CDH22: variants seen among roughly 807,000 people sequenced by gnomAD.
CDH22 encodes cadherin-22.
CDH22 carries 30 observed loss-of-function variants against 58.4 expected under a neutral mutation model. The ratio of observed to expected loss-of-function variants is 0.51; its 90% CI spans 0.38 to 0.70. The LOEUF (loss-of-function observed/expected upper bound fraction) is 0.70, where lower values mean the gene tolerates loss of function less well. Among genes scored for constraint, CDH22 ranks in the 30% least tolerant of loss-of-function variants. The probability of loss-of-function intolerance (pLI) is 0.00; values close to 1 mark genes in which losing one functional copy is unlikely to be tolerated. For synonymous variants in CDH22, 513 were observed against 558.2 expected, an observed-to-expected ratio of 0.92 and a Z score of 1.14; for missense variants, 1,014 against 1,233.9, an observed-to-expected ratio of 0.82 and a Z score of 2.67.
chr20:46,199,644 G>GTGGGGT, intron 7 of CDH22, 85 bp from the exon 8 acceptor site: 1 of 1,498,610 alleles, frequency 6.7e-7, no homozygotes, highest in Non-Finnish European at 9.0e-7. Flanking sequence ...CACTCCAAGA[G>GTGGGGT]AGGGACCGCC....
At chr20:46,203,340 T>A (rs912610243) in intron 7 of CDH22, among the ~76,000 whole-genome samples, 43 of 32,440 alleles carry the variant, frequency 1.3e-3, no homozygotes, top group African/African-American at 4.6e-3. Context: ...AGGGGTGGGG[T>A]GGGGGCGAAG....
At chr20:46,194,177 C>A (rs879832536) in intron 8 of CDH22, among the ~76,000 whole-genome samples, 19 of 152,206 alleles carry the variant, frequency 1.2e-4, no homozygotes, top group Non-Finnish European at 2.4e-4. Context: ...TCCCCGCCCA[C>A]CCGTGAACTC....
At chr20:46,227,448 TCCCGC>T in intron 4 of CDH22, 55 bp downstream of exon 4, 2 of 1,404,418 alleles carry the variant, frequency 1.4e-6, no homozygotes, top group Non-Finnish European at 9.7e-7. Context: ...GTGGTCCTCG[TCCCGC>T]CCCGCCCCTG....
At chr20:46,202,923 C>T (rs530011861) in intron 7 of CDH22, among the ~76,000 whole-genome samples, 9 of 152,050 alleles carry the variant, frequency 5.9e-5, no homozygotes, top group East Asian at 1.9e-4. Context: ...CAGGGCTGGG[C>T]GAGAGGCCGG....
intron 1 of CDH22, among the ~76,000 whole-genome samples, chr20:46,294,588 T>G (rs907426101): frequency 6.6e-6 from 1 of 152,210 alleles, no homozygotes; most frequent in African/African-American, 2.4e-5. Flanking sequence ...GGGAAATGGC[T>G]GCTATGGCAA....
At chr20:46,224,885 C>T (rs1568664703) in intron 4 of CDH22, among the ~76,000 whole-genome samples, 1 of 152,228 alleles carries the variant, frequency 6.6e-6, no homozygotes, top group African/African-American at 2.4e-5. Flanking sequence ...GTTAAGGAGT[C>T]TGAGTGACTG....
chr20:46,199,097 G>A (rs907076149), intron 8 of CDH22, among the ~76,000 whole-genome samples: 1 of 152,162 alleles, frequency 6.6e-6, no homozygotes, highest in African/African-American at 2.4e-5. Context: ...GGGCTTGCAC[G>A]TAGCAGATGC....
Position 46,251,118 on chromosome 20 carries a change from G to A in CDH22, c.177C>T (p.Arg59=), listed in dbSNP as rs367998027. 81 of 1,606,412 alleles carry A rather than the reference G, an allele frequency of 5.0e-5. No homozygotes were observed. Among genetic ancestry groups the A allele is most frequent in the East Asian group, 1.6e-4 (7 of 43,628 alleles). The change falls in exon 2 of 12, where the codon CGC becomes CGT. Residue 59 remains arginine, a synonymous_variant. Coordinates refer to ENST00000537909, the MANE Select transcript of CDH22 (RefSeq NM_021248.3). This position sits in a 1 kb window ranked among gnomAD's most constrained non-coding sequence, Gnocchi z 6.7. ...ARQDGALGAG[R]VKRGWVWNQF... ...GGTTCCACACCCAGCCGCGTTTGACGCGGCCGGCTCCCAGCGCGCCGTCCT... is the reference window on the plus strand; with the variant it reads ...GGTTCCACACCCAGCCGCGTTTGACACGGCCGGCTCCCAGCGCGCCGTCCT...
intron 7 of CDH22, among the ~76,000 whole-genome samples, chr20:46,204,083 A>C (rs2085980716): frequency 6.6e-6 from 1 of 152,024 alleles, no homozygotes; most frequent in Non-Finnish European, 1.5e-5. Flanking sequence ...TCTGTTCTTC[A>C]GTTTCCTTCT....
chr20:46,197,667 C>T (rs1036774527), intron 8 of CDH22, among the ~76,000 whole-genome samples: 2 of 152,240 alleles, frequency 1.3e-5, no homozygotes, highest in Non-Finnish European at 2.9e-5. Flanking sequence ...TCTCTTCCCC[C>T]AAGTCCAGCC....
At position 46,196,754 on chromosome 20, in the gene CDH22, G is replaced by T. The variant is rs143653620; in HGVS notation, c.1423+2669C>A. Among the ~76,000 whole-genome samples, 549 of 152,254 alleles carry T rather than the reference G, an allele frequency of 3.6e-3. 3 individuals are homozygous for T. Among genetic ancestry groups the T allele is most frequent in the African/African-American group, 0.013 (539 of 41,528 alleles). On this transcript the variant is annotated intron_variant, in intron 8 of 11. Transcript: ENST00000537909. ...GGCAGTAGAATGGACACCCCTTAGG[G>T]GTGAAGATTTCATGAGCTCATCACA...
At chr20:46,178,838 C>G (rs2085763053) in intron 10 of CDH22, among the ~76,000 whole-genome samples, 2 of 152,134 alleles carry the variant, frequency 1.3e-5, no homozygotes, top group African/African-American at 2.4e-5. Context: ...GACAAGGAGT[C>G]TCTGCCTAAG....
chr20:46,266,755 A>G (rs1278405755), intron 1 of CDH22, among the ~76,000 whole-genome samples: 1 of 152,062 alleles, frequency 6.6e-6, no homozygotes, highest in Non-Finnish European at 1.5e-5. Flanking sequence ...CTTCTATACA[A>G]TGGAAGGTCA....
At chr20:46,229,294 C>CCT (rs2086202499) in intron 3 of CDH22, among the ~76,000 whole-genome samples, 1 of 147,652 alleles carries the variant, frequency 6.8e-6, no homozygotes, top group African/African-American at 2.5e-5. Context: ...GAGTGGCCCC[C>CCT]CCCCCCAATT....
chr20:46,252,465 C>G (rs1052088429), intron 1 of CDH22, among the ~76,000 whole-genome samples: 3 of 152,254 alleles, frequency 2.0e-5, no homozygotes, highest in Admixed American at 6.5e-5. Flanking sequence ...CTCTTCCCTT[C>G]TCTCTATCAG....
intron 2 of CDH22, among the ~76,000 whole-genome samples, chr20:46,242,387 C>T (rs928310511): frequency 4.6e-5 from 7 of 152,184 alleles, no homozygotes; most frequent in Non-Finnish European, 7.3e-5. Context: ...GCTCTGACAT[C>T]GCCTCCCTGT....
rs113780498 is a variant in CDH22 at position 46,199,337 on chromosome 20, C to T, written c.1423+86G>A. 279 of 1,490,756 alleles carry T rather than the reference C, an allele frequency of 1.9e-4. No individual in the cohort carries two copies. The African/African-American group carries it at 3.0e-3, about 16-fold the overall frequency. 92.3% of individuals were successfully genotyped at this position (1,490,756 alleles called of 1,614,324 possible). A position where few individuals can be genotyped will look rare whatever the true frequency, so the allele number is the denominator to read the frequency against. On this transcript the variant is annotated intron_variant, in intron 8 of 11. Transcript: ENST00000537909. ...CTTTGACTGACAGGGCTGCCTTGGC[C>T]CTGCCCCCAGCCCTTGGCCCCTCCC...
chr20:46,235,907 T>A (rs2086248542), intron 3 of CDH22, among the ~76,000 whole-genome samples: 1 of 152,116 alleles, frequency 6.6e-6, no homozygotes, highest in African/African-American at 2.4e-5. Flanking sequence ...AGATTAAACC[T>A]CTGCTCTCCA....
intron 3 of CDH22, among the ~76,000 whole-genome samples, chr20:46,234,393 T>C (rs77767813): frequency 2.0e-5 from 3 of 152,352 alleles, no homozygotes; most frequent in Non-Finnish European, 2.9e-5. Flanking sequence ...TCACTTTGCA[T>C]TTATTTTTTC....
Sources: gnomAD v4.1 joint callset for allele counts (sites outside exome capture counted in the v4.1 genomes callset) on GRCh38, gnomAD v4.1.1 for gene constraint, Gnocchi (gnomAD v3.1) non-coding constraint, MANE v1.5 for transcripts, NCBI Gene and HGNC (gene_info 2026-07-23, HGNC 2026-07-21) for gene names.